The following PDIK1L variants were observed in gnomAD, a reference collection of about 807,000 sequenced individuals.
The protein encoded by PDIK1L is PDLIM1 interacting kinase 1 like.
In PDIK1L, 9 loss-of-function variants were observed where a neutral mutation model predicts 27.1. That is an observed-to-expected ratio of 0.33 (90% confidence interval 0.20 to 0.58). The LOEUF (loss-of-function observed/expected upper bound fraction) is 0.58, where lower values mean the gene tolerates loss of function less well. PDIK1L is among the 20% of genes least tolerant of loss of function. The pLI is 0.86. For missense variants in PDIK1L, 216 were observed against 413.2 expected, an observed-to-expected ratio of 0.52 and a Z score of 4.14; for synonymous variants, 130 against 141.7, an observed-to-expected ratio of 0.92 and a Z score of 0.59.
intron 2 of PDIK1L, among the ~76,000 whole-genome samples, chr1:26,117,294 A>G (rs1007837914): frequency 6.6e-6 from 1 of 151,864 alleles, no homozygotes; most frequent in East Asian, 1.9e-4. Context: ...AGCCTCCCAA[A>G]GTGCTGGGAT....
At chr1:26,116,933 C>G (rs2087886431) in intron 2 of PDIK1L, among the ~76,000 whole-genome samples, 1 of 147,602 alleles carries the variant, frequency 6.8e-6, no homozygotes, top group Non-Finnish European at 1.5e-5. Flanking sequence ...CCAGGCTGGT[C>G]TTGAACTTCT....
rs1209520047 is a variant in PDIK1L, at chr1:26,124,993, C to T, written c.*2416C>T. 1.3e-5 allele frequency: 2 copies of T among 152,668 alleles called. No homozygotes were observed. Among genetic ancestry groups the T allele is most frequent in the African/African-American group, 2.4e-5 (1 of 41,534 alleles). 9.5% of individuals were successfully genotyped at this position (152,668 alleles called of 1,614,324 possible). On this transcript the variant is annotated 3_prime_UTR_variant, in exon 3 of 3. Coordinates refer to ENST00000374269, the MANE Select transcript of PDIK1L (RefSeq NM_152835.5). ...CAGTGCCTTGCCCATAATAGGTACT[C>T]AATAAGCAATTGTTCCTCATAGAGT...
intron 2 of PDIK1L, among the ~76,000 whole-genome samples, chr1:26,120,148 AT>A (rs562337568): frequency 4.6e-5 from 7 of 151,760 alleles, no homozygotes; most frequent in Admixed American, 3.3e-4. Flanking sequence ...TAGTTCTTAG[AT>A]TTTTTTTTAA....
intron 1 of PDIK1L, among the ~76,000 whole-genome samples, chr1:26,113,147 A>G (rs2087823984): frequency 6.6e-6 from 1 of 152,244 alleles, no homozygotes; most frequent in Non-Finnish European, 1.5e-5. Context: ...AAATGACTAC[A>G]AAAAGGTAAC....
chr1:26,121,763 C>G, intron 2 of PDIK1L, 74 bp from the exon 3 acceptor site: 2 of 1,432,342 alleles, frequency 1.4e-6, no homozygotes, highest in Non-Finnish European at 1.9e-6. Flanking sequence ...CTTAACCTTT[C>G]AATTATTATT....
In PDIK1L at chr1:26,114,027, C is replaced by G. The variant is rs976270330; in HGVS notation, c.-17-265C>G. On this transcript the variant is annotated intron_variant, in intron 1 of 2. Coordinates refer to ENST00000374269, the MANE Select transcript of PDIK1L (RefSeq NM_152835.5). The surrounding 1 kb of genome is among the most constrained non-coding windows in gnomAD (Gnocchi z 4.8). Reference sequence around the variant, plus strand: ...TATATAGTTTCATCTATAAAAAGACCATAATAGTATCTATCTCATCAGATT... The same window carrying G: ...TATATAGTTTCATCTATAAAAAGACGATAATAGTATCTATCTCATCAGATT... 3.9e-5 allele frequency among the ~76,000 whole-genome samples: 6 copies of G among 152,096 alleles called. No individual in the cohort carries two copies. The highest frequency in any genetic ancestry group is 1.4e-4 in the African/African-American group (6 of 41,382).
intron 2 of PDIK1L, among the ~76,000 whole-genome samples, chr1:26,121,462 C>T (rs984087727): frequency 6.6e-6 from 1 of 152,164 alleles, no homozygotes; most frequent in Non-Finnish European, 1.5e-5. Context: ...GGTTTATACC[C>T]CAGCTGGCAA....
At chr1:26,113,692 A>G (rs979513534) in intron 1 of PDIK1L, among the ~76,000 whole-genome samples, 13 of 152,310 alleles carry the variant, frequency 8.5e-5, no homozygotes, top group African/African-American at 3.1e-4. Context: ...GGCCTTAAGC[A>G]TAAGCCAGGT....
chr1:26,113,771 G>A (rs1364509129), intron 1 of PDIK1L, among the ~76,000 whole-genome samples: 4 of 152,182 alleles, frequency 2.6e-5, no homozygotes, highest in African/African-American at 9.7e-5. Context: ...GTGTCAGCCT[G>A]AAGGAGAAGC....
rs1569801895 is a variant in PDIK1L at position 26,114,133 on chromosome 1, T to C, written c.-17-159T>C. Among the ~76,000 whole-genome samples, 1 of 152,350 alleles carries C rather than the reference T, an allele frequency of 6.6e-6. No individual in the cohort carries two copies. The highest frequency in any genetic ancestry group is 2.1e-4 in the South Asian group (1 of 4,830). On this transcript the variant is annotated intron_variant, in intron 1 of 2. Transcript: ENST00000374269. The surrounding 1 kb of genome is among the most constrained non-coding windows in gnomAD (Gnocchi z 4.8). ...CATGGTAAATACTACCTGTTAGCTT[T>C]ATTGTTACTATTCTTAAAATTAGAT...
chr1:26,120,498 C>T (rs1180445792), intron 2 of PDIK1L, among the ~76,000 whole-genome samples: 3 of 152,174 alleles, frequency 2.0e-5, no homozygotes, highest in Non-Finnish European at 2.9e-5. Flanking sequence ...GGAGAGATGG[C>T]GTGAAGAGAT....
intron 2 of PDIK1L, among the ~76,000 whole-genome samples, chr1:26,120,619 A>G (rs2087962978): frequency 6.6e-6 from 1 of 152,184 alleles, no homozygotes; most frequent in Admixed American, 6.5e-5. Context: ...TGTTCAACTC[A>G]TGGGTCTGAA....
In PDIK1L at chr1:26,123,700, T is replaced by G. The variant is rs1252330514; in HGVS notation, c.*1123T>G. On this transcript the variant is annotated 3_prime_UTR_variant, in exon 3 of 3. Transcript: ENST00000374269. ...TGAAACAGTACTGGTAATAATATGG[T>G]TGTTGAAAATGTGATCACCTTTATC... 5 of 152,572 alleles carry G rather than the reference T, an allele frequency of 3.3e-5. No homozygotes were observed. Among genetic ancestry groups the G allele is most frequent in the African/African-American group, 7.2e-5 (3 of 41,434 alleles). The allele number at this position is 152,572 out of a possible 1,614,324, so 9.5% of individuals were successfully genotyped here. A position where few individuals can be genotyped will look rare whatever the true frequency, so the allele number is the denominator to read the frequency against.
chr1:26,114,196 G>A lies in PDIK1L; in HGVS notation c.-17-96G>A. 1 of 1,239,702 alleles carries A rather than the reference G, an allele frequency of 8.1e-7. No individual in the cohort carries two copies. Among genetic ancestry groups the A allele is most frequent in the Non-Finnish European group, 1.1e-6 (1 of 905,056 alleles). The allele number at this position is 1,239,702 out of a possible 1,614,324, so 76.8% of individuals were successfully genotyped here. ...TAGCAAATATCCTTCAAGCACTGCA[G>A]ACAGTCAGACAGATGACAAGTAAAT... On this transcript the variant is annotated intron_variant, in intron 1 of 2. Transcript: ENST00000374269. The surrounding 1 kb of genome is among the most constrained non-coding windows in gnomAD (Gnocchi z 4.8).
At chr1:26,111,226 G>A, upstream of PDIK1L, 1 of 155,132 alleles carries the variant, frequency 6.4e-6, no homozygotes, top group Non-Finnish European at 1.4e-5. The surrounding 1 kb of genome is among the most constrained non-coding windows in gnomAD (Gnocchi z 4.0). Flanking sequence ...TGCACCGCCC[G>A]CAAACATGGC....
intron 2 of PDIK1L, among the ~76,000 whole-genome samples, chr1:26,115,883 A>G (rs1195628335): frequency 3.3e-5 from 5 of 151,700 alleles, no homozygotes; most frequent in South Asian, 2.1e-4. Context: ...AGAATTTACC[A>G]TCAGACTTTT....
intron 2 of PDIK1L, among the ~76,000 whole-genome samples, chr1:26,120,269 C>T (rs75051169): frequency 0.011 from 1,737 of 152,194 alleles, 36 homozygotes; most frequent in African/African-American, 0.039. Context: ...ATTCTTTGAA[C>T]GCTGGGACTC....
rs1168963566 is a variant in PDIK1L at position 26,125,011 on chromosome 1, CATAG to C, written c.*2436_*2439del. On this transcript the variant is annotated 3_prime_UTR_variant, in exon 3 of 3. Coordinates refer to ENST00000374269, the MANE Select transcript of PDIK1L (RefSeq NM_152835.5). Reference sequence around the variant, plus strand: ...AGGTACTCAATAAGCAATTGTTCCTCATAGAGTCTTTTGCCATGATTTATGGTGT... The same window carrying C: ...AGGTACTCAATAAGCAATTGTTCCTCAGTCTTTTGCCATGATTTATGGTGT... 6.6e-6 allele frequency: 1 copy of C among 152,572 alleles called. No homozygotes were observed. 9.5% of individuals were successfully genotyped at this position (152,572 alleles called of 1,614,324 possible).
At position 26,122,828 on chromosome 1, in the gene PDIK1L, ATTCT is replaced by A. The variant is rs2088011755; in HGVS notation, c.*254_*257del. ...TTATTGATAGAAGTTTGGCAGGAAA[ATTCT>A]TTAAGAGCTAACAAGAGAAGAGAGT... On this transcript the variant is annotated 3_prime_UTR_variant, in exon 3 of 3. Transcript: ENST00000374269. The surrounding 1 kb of genome is among the most constrained non-coding windows in gnomAD (Gnocchi z 5.4). 1 of 311,890 alleles carries A rather than the reference ATTCT, an allele frequency of 3.2e-6. No homozygotes were observed. The highest frequency in any genetic ancestry group is 5.8e-6 in the Non-Finnish European group (1 of 172,950). The allele number at this position is 311,890 out of a possible 1,614,324, so 19.3% of individuals were successfully genotyped here.
Sources: gnomAD v4.1 joint callset for allele counts (sites outside exome capture counted in the v4.1 genomes callset) on GRCh38, gnomAD v4.1.1 for gene constraint, Gnocchi (gnomAD v3.1) non-coding constraint, MANE v1.5 for transcripts, NCBI Gene and HGNC (gene_info 2026-07-23, HGNC 2026-07-21) for gene names.